The following FBP1 variants were observed in gnomAD, a reference collection of about 807,000 sequenced individuals.
The protein encoded by FBP1 is fructose-bisphosphatase 1.
Under a neutral mutation model 29.9 loss-of-function variants are expected in FBP1, and 22 were observed. That is an observed-to-expected ratio of 0.74 (90% confidence interval 0.53 to 1.05). The LOEUF (loss-of-function observed/expected upper bound fraction) is 1.05. FBP1 is among the 50% of genes least tolerant of loss of function. The probability of loss-of-function intolerance (pLI) is 0.00; values close to 1 mark genes in which losing one functional copy is unlikely to be tolerated. For missense variants in FBP1, 345 were observed against 448.2 expected, an observed-to-expected ratio of 0.77 and a Z score of 2.08; for synonymous variants, 175 against 178.6, an observed-to-expected ratio of 0.98 and a Z score of 0.16.
At chr9:94,630,360 G>A (rs1405106384) in intron 1 of FBP1, among the ~76,000 whole-genome samples, 2 of 152,170 alleles carry the variant, frequency 1.3e-5, no homozygotes, top group African/African-American at 2.4e-5. Context: ...GATTAGCATA[G>A]CTTCTTGGTA....
At chr9:94,621,252 C>T (rs985683055) in intron 1 of FBP1, among the ~76,000 whole-genome samples, 10 of 144,482 alleles carry the variant, frequency 6.9e-5, no homozygotes, top group South Asian at 4.4e-4. Context: ...AAAAATTAGC[C>T]GGGTGTGGTG....
At chr9:94,626,533 C>T (rs761148153) in intron 1 of FBP1, among the ~76,000 whole-genome samples, 38 of 152,248 alleles carry the variant, frequency 2.5e-4, no homozygotes, top group Admixed American at 5.2e-4. Flanking sequence ...CAGGACCAGA[C>T]GCAGGCTCCA....
intron 4 of FBP1, among the ~76,000 whole-genome samples, chr9:94,608,137 G>A (rs1827727958): frequency 6.6e-6 from 1 of 152,220 alleles, no homozygotes; most frequent in Admixed American, 6.5e-5. Context: ...TGTGTACAGA[G>A]ACAAAACATA....
intron 1 of FBP1, among the ~76,000 whole-genome samples, chr9:94,626,686 C>T (rs1828030902): frequency 6.6e-6 from 1 of 152,188 alleles, no homozygotes; most frequent in African/African-American, 2.4e-5. Flanking sequence ...CAGAAACAAG[C>T]TCAAGGACTT....
intron 2 of FBP1, 102 bp downstream of exon 2, chr9:94,620,227 G>T: frequency 8.4e-7 from 1 of 1,184,436 alleles, no homozygotes; most frequent in Admixed American, 1.7e-5. Flanking sequence ...GATCTAGAGG[G>T]ACTCCCAGAA....
chr9:94,633,640 C>T (rs1828144021), intron 1 of FBP1, among the ~76,000 whole-genome samples: 1 of 152,154 alleles, frequency 6.6e-6, no homozygotes, highest in Admixed American at 6.5e-5. Context: ...TTCCCCTGCA[C>T]GTGCCCATTC....
rs193152954 is a variant in FBP1, at chr9:94,624,167, T to C, written c.171-3676A>G. On this transcript the variant is annotated intron_variant, in intron 1 of 6. Coordinates refer to ENST00000375326, the MANE Select transcript of FBP1 (RefSeq NM_000507.4). ...GCCTGATCAACATGGTGAAGCCCTC[T>C]CTCTACTAAAAACACAAAAAATTAG... is the stretch of plus-strand genomic sequence containing the variant. 2.6e-3 allele frequency among the ~76,000 whole-genome samples: 383 copies of C among 148,440 alleles called. 3 individuals carry two copies. Among genetic ancestry groups the C allele is most frequent in the Middle Eastern group, 0.024 (7 of 286 alleles).
chr9:94,613,076 C>T (rs1827808949), intron 3 of FBP1, among the ~76,000 whole-genome samples: 1 of 152,136 alleles, frequency 6.6e-6, no homozygotes, highest in Non-Finnish European at 1.5e-5. Context: ...GGCACAGAAA[C>T]GGAGGGCCTG....
chr9:94,628,843 C>A (rs763806367), intron 1 of FBP1, among the ~76,000 whole-genome samples: 1 of 152,118 alleles, frequency 6.6e-6, no homozygotes, highest in Non-Finnish European at 1.5e-5. Context: ...GCAAAGAGAA[C>A]AATGATGAGG....
chr9:94,608,215 C>T (rs149427941), intron 4 of FBP1, among the ~76,000 whole-genome samples: 1 of 152,244 alleles, frequency 6.6e-6, no homozygotes, highest in Admixed American at 6.5e-5. Context: ...CAGCAGAAAC[C>T]GTCAGCCTGG....
At chr9:94,627,223 C>T (rs564163976) in intron 1 of FBP1, among the ~76,000 whole-genome samples, 34 of 150,144 alleles carry the variant, frequency 2.3e-4, no homozygotes, top group South Asian at 1.7e-3. Context: ...GGCGTGGTGG[C>T]GGGCGCCTGT....
chr9:94,612,549 ATTTT>A (rs561246840), intron 3 of FBP1, among the ~76,000 whole-genome samples: 35,147 of 109,170 alleles, frequency 0.32, 4,937 homozygotes, highest in East Asian at 0.56. Flanking sequence ...CCAGCCCCCA[ATTTT>A]TTTTTTTTTT....
chr9:94,612,762 T>C (rs561135189), intron 3 of FBP1, among the ~76,000 whole-genome samples: 29 of 151,962 alleles, frequency 1.9e-4, no homozygotes, highest in Admixed American at 7.2e-4. Context: ...GGTTTCACCA[T>C]GTTGGCCAAG....
chr9:94,636,053 T>C (rs774843641), intron 1 of FBP1, among the ~76,000 whole-genome samples: 2 of 152,170 alleles, frequency 1.3e-5, no homozygotes, highest in Non-Finnish European at 2.9e-5. Context: ...TTATTTGCAG[T>C]GGATACCCCA....
intron 2 of FBP1, among the ~76,000 whole-genome samples, chr9:94,618,288 G>T (rs1386494935): frequency 4.0e-5 from 6 of 151,796 alleles, no homozygotes; most frequent in African/African-American, 9.7e-5. Flanking sequence ...TCTCATGGAG[G>T]TCTTACAGAT....
intron 1 of FBP1, among the ~76,000 whole-genome samples, chr9:94,624,231 A>G (rs1415622811): frequency 6.6e-6 from 1 of 151,650 alleles, no homozygotes; most frequent in Non-Finnish European, 1.5e-5. Context: ...CCAGCTACTC[A>G]GGAGGCTGAG....
At chr9:94,607,060 CA>C (rs1827713194) in intron 4 of FBP1, 108 bp from the exon 5 acceptor site, 3 of 1,443,798 alleles carry the variant, frequency 2.1e-6, no homozygotes, top group Admixed American at 3.4e-5. Flanking sequence ...GGTCGCGGCG[CA>C]CGGGCACCAC....
At chr9:94,608,415 C>T (rs1587854226) in intron 4 of FBP1, among the ~76,000 whole-genome samples, 1 of 152,184 alleles carries the variant, frequency 6.6e-6, no homozygotes, top group Non-Finnish European at 1.5e-5. Context: ...AGGGATGCTC[C>T]CCTGCAATCT....
chr9:94,620,641 T>C, intron 1 of FBP1, 150 bp from the exon 2 acceptor site: 3 of 782,188 alleles, frequency 3.8e-6, no homozygotes, highest in Non-Finnish European at 6.5e-6. Context: ...GAATCCATCA[T>C]TCTCAGCAAA....
Sources: gnomAD v4.1 joint callset for allele counts (sites outside exome capture counted in the v4.1 genomes callset) on GRCh38, gnomAD v4.1.1 for gene constraint, MANE v1.5 for transcripts, NCBI Gene and HGNC (gene_info 2026-07-23, HGNC 2026-07-21) for gene names.